DOCK2: variants seen among roughly 807,000 people sequenced by gnomAD.
The protein encoded by DOCK2 is dedicator of cytokinesis protein 2.
Under a neutral mutation model 248.9 loss-of-function variants are expected in DOCK2, and 87 were observed. The observed-to-expected ratio is 0.35, with a 90% CI of 0.29 to 0.42. The LOEUF is 0.42. Ranked by LOEUF, DOCK2 falls within the 10% of genes least tolerant of loss-of-function variation. DOCK2 has a pLI of 1.00. For synonymous variants in DOCK2, 805 were observed against 821.6 expected (o/e 0.98, Z 0.35); for missense variants, 1,747 against 2,300.2 (o/e 0.76, Z 4.92).
At chr5:169,654,355 A>G in intron 1 of DOCK2, 48 bp from the exon 2 acceptor site, 1 of 1,594,100 alleles carries the variant, frequency 6.3e-7, no homozygotes, top group Non-Finnish European at 8.6e-7. Context: ...AGCAGAGACT[A>G]ATGAGATCTA....
At chr5:169,766,062 C>T (rs438261) in intron 25 of DOCK2, among the ~76,000 whole-genome samples, 7,857 of 152,098 alleles carry the variant, frequency 0.052, 399 homozygotes, top group African/African-American at 0.13. Context: ...CAGTTACTAC[C>T]TTTTTTTTCT....
intron 22 of DOCK2, among the ~76,000 whole-genome samples, chr5:169,726,322 T>C (rs528083982): frequency 1.3e-5 from 2 of 152,366 alleles, no homozygotes; most frequent in South Asian, 4.1e-4. Flanking sequence ...AAGTGTCTGT[T>C]TATATACTTT....
intron 2 of DOCK2, among the ~76,000 whole-genome samples, chr5:169,659,186 A>C (rs865920875): frequency 6.6e-6 from 1 of 151,950 alleles, no homozygotes; most frequent in East Asian, 1.9e-4. Flanking sequence ...ACCACCCCCA[A>C]TAAAGAAGTG....
At chr5:170,008,219 C>A (rs146681217) in intron 30 of DOCK2, among the ~76,000 whole-genome samples, 2,369 of 41,792 alleles carry the variant, frequency 0.057, 80 homozygotes, top group African/African-American at 0.26. Flanking sequence ...ACAACAACAA[C>A]AACAACAAAA....
chr5:169,715,722 C>A lies in DOCK2; in HGVS notation c.1942-491C>A, dbSNP rs915229455. On this transcript the variant is annotated intron_variant, in intron 19 of 51. Coordinates refer to ENST00000520908, the MANE Select transcript of DOCK2 (RefSeq NM_004946.3). ...ACACGTAAACACCATGTGTACTCAC[C>A]ACCCAGAAGAGGATACAGACCACTT... Among the ~76,000 whole-genome samples, 6 of 151,794 alleles carry A rather than the reference C, an allele frequency of 4.0e-5. No individual in the cohort carries two copies. In the East Asian group the frequency reaches 1.2e-3, roughly 29 times the overall value.
chr5:169,948,490 T>C (rs1368795308), intron 27 of DOCK2, among the ~76,000 whole-genome samples: 1 of 152,198 alleles, frequency 6.6e-6, no homozygotes, highest in Non-Finnish European at 1.5e-5. Context: ...TCTATCTGTA[T>C]ATCTGACTAT....
intron 27 of DOCK2, among the ~76,000 whole-genome samples, chr5:169,948,147 C>A (rs146900580): frequency 1.5e-4 from 23 of 152,198 alleles, no homozygotes; most frequent in African/African-American, 5.5e-4. Flanking sequence ...GTGAAAATTT[C>A]ATCCAACCTC....
chr5:170,051,621 C>T (rs1024571964), intron 41 of DOCK2, among the ~76,000 whole-genome samples: 15 of 152,158 alleles, frequency 9.9e-5, no homozygotes, highest in Admixed American at 2.0e-4. Flanking sequence ...TCTCAATTTG[C>T]CATTATCTCT....
chr5:170,082,041 G>A (rs1054260962), intron 51 of DOCK2, 57 bp downstream of exon 51: 3 of 1,592,700 alleles, frequency 1.9e-6, no homozygotes, highest in East Asian at 4.5e-5. Flanking sequence ...AGGGAAGAGA[G>A]CAATGCAGAG....
chr5:169,652,037 C>T (rs1757835592), intron 1 of DOCK2, among the ~76,000 whole-genome samples: 2 of 152,192 alleles, frequency 1.3e-5, no homozygotes, highest in South Asian at 4.1e-4. Context: ...CGTGTATGGG[C>T]ATTAATTTCA....
chr5:170,039,248 C>T (rs1156523915), intron 36 of DOCK2, among the ~76,000 whole-genome samples: 1 of 152,236 alleles, frequency 6.6e-6, no homozygotes, highest in African/African-American at 2.4e-5. Flanking sequence ...TCCCCTTCCC[C>T]TTCAGATCAA....
rs371187213 is a variant in DOCK2 at position 170,081,340 on chromosome 5, C to T, written c.5288-502C>T. On this transcript the variant is annotated intron_variant, in intron 50 of 51. Coordinates refer to ENST00000520908, the MANE Select transcript of DOCK2 (RefSeq NM_004946.3). ...GGTCTGGGCTCTTTCTCCCATTTGG[C>T]CAATGTCAAAACCAGCAGTCAGAGA... 5.9e-4 allele frequency: 92 copies of T among 156,130 alleles called. 1 individual carries two copies. In the South Asian group the frequency reaches 0.017, roughly 30 times the overall value. The allele number at this position is 156,130 out of a possible 1,614,324, so 9.7% of individuals were successfully genotyped here. A position where few individuals can be genotyped will look rare whatever the true frequency, so the allele number is the denominator to read the frequency against.
rs553443126 is a variant in DOCK2, at chr5:169,942,675, C to T, written c.2800-40393C>T. On this transcript the variant is annotated intron_variant, in intron 27 of 51. Transcript: ENST00000520908. The stretch of plus-strand genomic sequence containing the variant: ...CAGGGCGGTCTGGAGTTGGCCTTGG[C>T]CCTGCAAGCAGTACAGAGAAATAGA... Among the ~76,000 whole-genome samples the T allele has an allele frequency of 3.3e-5, 5 of 152,268 alleles. No individual in the cohort carries two copies. In the East Asian group the frequency reaches 9.7e-4, roughly 29 times the overall value.
intron 32 of DOCK2, among the ~76,000 whole-genome samples, chr5:170,016,374 GTGCATGTGTATGCA>G (rs1018305024): frequency 3.3e-5 from 5 of 152,152 alleles, no homozygotes; most frequent in African/African-American, 1.2e-4. Context: ...TGTGTTCTGC[GTGCATGTGTATGCA>G]TCTATGTATG....
Position 170,027,856 on chromosome 5 carries a change from T to C in DOCK2, c.3382-7T>C, listed in dbSNP as rs1476720802. Reference sequence around the variant, plus strand: ...TTATTGTTGATTTTTGTCTCCTACATCTTCAGTTTGAAAACGAAATCATCC... The same window carrying C: ...TTATTGTTGATTTTTGTCTCCTACACCTTCAGTTTGAAAACGAAATCATCC... On this transcript the variant is annotated splice_polypyrimidine_tract_variant and splice_region_variant and intron_variant, in intron 33 of 51. Coordinates refer to ENST00000520908, the MANE Select transcript of DOCK2 (RefSeq NM_004946.3). 3 of 1,611,286 alleles carry C rather than the reference T, an allele frequency of 1.9e-6. No homozygotes were observed. The highest frequency in any genetic ancestry group is 1.1e-5 in the South Asian group (1 of 90,676).
At position 169,917,395 on chromosome 5, in the gene DOCK2, T is replaced by C. The variant is rs186931084; in HGVS notation, c.2800-65673T>C. 2.0e-4 allele frequency among the ~76,000 whole-genome samples: 31 copies of C among 152,296 alleles called. No homozygotes were observed. In the East Asian group the frequency reaches 5.8e-3, roughly 28 times the overall value. On this transcript the variant is annotated intron_variant, in intron 27 of 51. Transcript: ENST00000520908. ...TCATTGCTTAGAGATTTTTTTCCAG[T>C]AGTAAAAATAGGGATTCTAGAGTTT...
chr5:169,900,170 G>C (rs1318641418), intron 27 of DOCK2, among the ~76,000 whole-genome samples: 1 of 152,176 alleles, frequency 6.6e-6, no homozygotes, highest in Non-Finnish European at 1.5e-5. Flanking sequence ...AGATGGGCAG[G>C]TAATAGGCAG....
intron 25 of DOCK2, among the ~76,000 whole-genome samples, chr5:169,781,370 C>T (rs192417945): frequency 2.6e-5 from 4 of 152,256 alleles, no homozygotes; most frequent in Admixed American, 2.6e-4. Flanking sequence ...AACTCTAGTC[C>T]AGGAAAGCTA....
chr5:169,769,337 A>C lies in DOCK2; in HGVS notation c.2554+7712A>C, dbSNP rs1764961715. Among the ~76,000 whole-genome samples, 3 of 152,276 alleles carry C rather than the reference A, an allele frequency of 2.0e-5. No homozygotes were observed. The South Asian group carries it at 6.2e-4, about 32-fold the overall frequency. On this transcript the variant is annotated intron_variant, in intron 25 of 51. Coordinates refer to ENST00000520908, the MANE Select transcript of DOCK2 (RefSeq NM_004946.3). Reference sequence around the variant, plus strand: ...CTTTAGCCCCAGAGGGGATGTTGGTACACACAAATTTTGTGGCTTTGGGTC... The same window carrying C: ...CTTTAGCCCCAGAGGGGATGTTGGTCCACACAAATTTTGTGGCTTTGGGTC...
Sources: allele counts gnomAD v4.1 joint callset (sites outside exome capture counted in the v4.1 genomes callset), GRCh38; gene constraint gnomAD v4.1.1; transcripts MANE v1.5; gene names NCBI Gene and HGNC (gene_info 2026-07-23, HGNC 2026-07-21).